The following NAGPA variants were observed in gnomAD, a reference collection of about 807,000 sequenced individuals.
The protein encoded by NAGPA is N-acetylglucosamine-1-phosphodiester alpha-N-acetylglucosaminidase, also known as alpha-N-acetylglucosaminyl phosphodiesterase.
In NAGPA, 56 loss-of-function variants were observed where a neutral mutation model predicts 48.5. That is an observed-to-expected ratio of 1.15 (90% CI 0.93 to 1.44). NAGPA has a LOEUF of 1.44. Among genes scored for constraint, NAGPA ranks in the 40% most tolerant of loss-of-function variants. The pLI is 0.00. For missense variants in NAGPA, 888 were observed against 735.0 expected (o/e 1.21, Z -2.41); for synonymous variants, 399 against 315.5 (o/e 1.26, Z -2.81).
intron 3 of NAGPA, among the ~76,000 whole-genome samples, chr16:5,030,854 G>C (rs1207921538): frequency 6.6e-6 from 1 of 152,002 alleles, no homozygotes; most frequent in East Asian, 1.9e-4. Context: ...TGTTCCCTCT[G>C]GCTGGGAACT....
chr16:5,028,862 C>G lies in NAGPA; in HGVS notation c.920+18G>C, dbSNP rs754448455. 1 of 1,613,722 alleles carries G rather than the reference C, an allele frequency of 6.2e-7. No individual in the cohort carries two copies. The highest frequency in any genetic ancestry group is 1.3e-5 in the African/African-American group (1 of 74,936). On this transcript the variant is annotated intron_variant, in intron 5 of 9. Coordinates refer to ENST00000312251, the MANE Select transcript of NAGPA (RefSeq NM_016256.4). ...ACCTGGACTTCAGCCCTCACGAAGG[C>G]GGCTCTCACGTGCTTACCAGTGATC...
At chr16:5,030,928 C>T (rs1271450429) in intron 3 of NAGPA, 2 of 238,520 alleles carry the variant, frequency 8.4e-6, no homozygotes, top group Non-Finnish European at 1.7e-5. Flanking sequence ...CTTGACCGCC[C>T]ACTCTTTTTT....
chr16:5,027,254 C>T, intron 8 of NAGPA, 24 bp downstream of exon 8: 1 of 1,614,134 alleles, frequency 6.2e-7, no homozygotes, highest in Non-Finnish European at 8.5e-7. Flanking sequence ...CTGCCCATAC[C>T]CCTCCCCTTG....
At position 5,033,787 on chromosome 16, in the gene NAGPA, G is replaced by C; in HGVS notation, c.86+42C>G. 1 of 1,573,736 alleles carries C rather than the reference G, an allele frequency of 6.4e-7. No homozygotes were observed. Among genetic ancestry groups the C allele is most frequent in the Non-Finnish European group, 8.6e-7 (1 of 1,160,582 alleles). ...TGTCCTCGTGAGCTCGGAGGACAGG[G>C]GGGACCCCCCGAACCAGGCTGGCCC... is the stretch of plus-strand genomic sequence containing the variant. On this transcript the variant is annotated intron_variant, in intron 1 of 9. Transcript: ENST00000312251. This position sits in a 1 kb window ranked among gnomAD's most constrained non-coding sequence, Gnocchi z 4.2.
intron 5 of NAGPA, 82 bp from the exon 6 acceptor site, chr16:5,028,267 C>G (rs573391690): frequency 7.0e-5 from 109 of 1,547,426 alleles, no homozygotes; most frequent in Non-Finnish European, 9.2e-5. Flanking sequence ...AACCACCCCT[C>G]TCTCCATTCT....
chr16:5,028,318 T>C, intron 5 of NAGPA, 133 bp from the exon 6 acceptor site: 1 of 1,507,304 alleles, frequency 6.6e-7, no homozygotes, highest in Non-Finnish European at 9.0e-7. Flanking sequence ...CGTCTATCTA[T>C]TTTTGAGATG....
At position 5,028,463 on chromosome 16, in the gene NAGPA, G is replaced by C. The variant is rs998888909; in HGVS notation, c.921-278C>G. 3.1e-5 allele frequency: 21 copies of C among 688,164 alleles called. No individual in the cohort carries two copies. In the South Asian group the frequency reaches 3.1e-4, roughly 10 times the overall value. The allele number at this position is 688,164 out of a possible 1,614,324, so 42.6% of individuals were successfully genotyped here. ...TTGCCCACACTGGTCTTAAACTCCT[G>C]GGCCCAAGCGAACCTCCCACCTCGG... On this transcript the variant is annotated intron_variant, in intron 5 of 9. Coordinates refer to ENST00000312251, the MANE Select transcript of NAGPA (RefSeq NM_016256.4).
In NAGPA at chr16:5,027,753, A is replaced by C. The variant is rs1456222871; in HGVS notation, c.1174+93T>G. 4.0e-6 allele frequency: 6 copies of C among 1,518,860 alleles called. No individual in the cohort carries two copies. The African/African-American group carries it at 5.5e-5, about 14-fold the overall frequency. The allele number at this position is 1,518,860 out of a possible 1,614,324, so 94.1% of individuals were successfully genotyped here. On this transcript the variant is annotated intron_variant, in intron 7 of 9. Coordinates refer to ENST00000312251, the MANE Select transcript of NAGPA (RefSeq NM_016256.4). Reference sequence around the variant, plus strand: ...AGAAGACAAGAGGCAAGCATTTCCCAGACCAGAAGGTGGAGACAGAAGCAG... The same window carrying C: ...AGAAGACAAGAGGCAAGCATTTCCCCGACCAGAAGGTGGAGACAGAAGCAG...
At chr16:5,032,703 G>C (rs1382337173) in intron 2 of NAGPA, among the ~76,000 whole-genome samples, 2 of 151,826 alleles carry the variant, frequency 1.3e-5, no homozygotes, top group African/African-American at 4.8e-5. Context: ...CATCAGTCTT[G>C]ATGAGTTGAT....
At chr16:5,031,654 C>A (rs946681313) in intron 3 of NAGPA, 91 bp downstream of exon 3, 2 of 1,558,358 alleles carry the variant, frequency 1.3e-6, no homozygotes, top group Non-Finnish European at 1.8e-6. Context: ...AGTAGCTGCT[C>A]AATACTTGTT....
At chr16:5,031,920 C>A (rs1453414783) in intron 2 of NAGPA, 36 bp from the exon 3 acceptor site, 1 of 1,613,918 alleles carries the variant, frequency 6.2e-7, no homozygotes, top group Non-Finnish European at 8.5e-7. Context: ...CACTCACCAG[C>A]AGGGGCAACT....
chr16:5,025,576 C>A lies in NAGPA; in HGVS notation c.1450G>T (p.Gly484Trp). The A allele has an allele frequency of 6.2e-7, 1 of 1,613,858 alleles. No homozygotes were observed. ...SRAERNRRLH[G>W]DYAYHPLQEM... Reference sequence around the variant, plus strand: ...TGCAGCGGGTGGTATGCATAGTCCCCATGCAGGCGCCGGTTCCTCTCTGCT... The same window carrying A: ...TGCAGCGGGTGGTATGCATAGTCCCAATGCAGGCGCCGGTTCCTCTCTGCT... The change falls in exon 10 of 10, where the codon GGG becomes TGG. Residue 484 changes from glycine to tryptophan, a missense_variant. Gly to Trp is a radical substitution (Grantham distance 184). Transcript: ENST00000312251.
chr16:5,025,710 G>C (rs1274647429), intron 9 of NAGPA, 25 bp from the exon 10 acceptor site: 1 of 1,572,644 alleles, frequency 6.4e-7, no homozygotes, highest in Non-Finnish European at 8.6e-7. Flanking sequence ...GAAGCCCCAA[G>C]TGGGGGACTG....
chr16:5,028,652 T>A, intron 5 of NAGPA: 7 of 643,626 alleles, frequency 1.1e-5, no homozygotes, highest in Non-Finnish European at 1.6e-5. Context: ...ACCACCTCCT[T>A]CAGATCTCAG....
In NAGPA at chr16:5,027,913, G is replaced by T; in HGVS notation, c.1127-20C>A. ...AGCCGGCTGCCGAGACAAGACCGGG[G>T]AGGCCAGGTGAGGGCCTAGGGCAAG... On this transcript the variant is annotated intron_variant, in intron 6 of 9. Transcript: ENST00000312251. 1 of 1,609,764 alleles carries T rather than the reference G, an allele frequency of 6.2e-7. No individual in the cohort carries two copies. The highest frequency in any genetic ancestry group is 8.5e-7 in the Non-Finnish European group (1 of 1,178,306).
At position 5,028,041 on chromosome 16, in the gene NAGPA, G is replaced by A. The variant is rs201188900; in HGVS notation, c.1065C>T (p.Pro355=). 3.5e-5 allele frequency: 57 copies of A among 1,607,568 alleles called. No individual in the cohort carries two copies. The highest frequency in any genetic ancestry group is 2.9e-4 in the South Asian group (26 of 90,764). ...CQCTGHFWRG[P]GCDELDCGPS... ...GGCCACAGTCCAGCTCATCACAGCC[G>A]GGACCCCGCCAGAAGTGCCCGGTGC... Residue 355 remains proline (P), a synonymous_variant, in exon 6 of 10, where the codon CCC becomes CCT. Coordinates refer to ENST00000312251, the MANE Select transcript of NAGPA (RefSeq NM_016256.4).
chr16:5,025,471 T>G lies in NAGPA; in HGVS notation c.*7A>C, dbSNP rs777974480. The G allele has an allele frequency of 6.2e-7, 1 of 1,611,512 alleles. No individual in the cohort carries two copies. Among genetic ancestry groups the G allele is most frequent in the Non-Finnish European group, 8.5e-7 (1 of 1,179,718 alleles). ...TCGCGACGTGCCACCCCGGGCAGCTTGAGGCTTCAGTCCTTGAAGGGGTTG... is the reference window on the plus strand; with the variant it reads ...TCGCGACGTGCCACCCCGGGCAGCTGGAGGCTTCAGTCCTTGAAGGGGTTG... On this transcript the variant is annotated 3_prime_UTR_variant, in exon 10 of 10. Coordinates refer to ENST00000312251, the MANE Select transcript of NAGPA (RefSeq NM_016256.4).
chr16:5,026,896 C>G lies in NAGPA; in HGVS notation c.1340+239G>C, dbSNP rs1448134291. Among the ~76,000 whole-genome samples the G allele has an allele frequency of 8.5e-5, 13 of 152,200 alleles. No homozygotes were observed. The East Asian group carries it at 2.5e-3, about 29-fold the overall frequency. Reference sequence around the variant, plus strand: ...TCCTGCCCCCACCCTGGGATCTCATCTAGCCCAGTTTGCATTCTGAGCTCC... The same window carrying G: ...TCCTGCCCCCACCCTGGGATCTCATGTAGCCCAGTTTGCATTCTGAGCTCC... On this transcript the variant is annotated intron_variant, in intron 9 of 9. Transcript: ENST00000312251.
intron 7 of NAGPA, 140 bp from the exon 8 acceptor site, chr16:5,027,519 T>A: frequency 2.3e-6 from 2 of 887,782 alleles, no homozygotes; most frequent in Non-Finnish European, 3.6e-6. Context: ...CCCCCTGCCC[T>A]CCCTGGACTA....
Sources: allele counts gnomAD v4.1 joint callset (sites outside exome capture counted in the v4.1 genomes callset), GRCh38; gene constraint gnomAD v4.1.1; non-coding constraint Gnocchi (gnomAD v3.1); transcripts MANE v1.5; gene names NCBI Gene and HGNC (gene_info 2026-07-23, HGNC 2026-07-21).